Variants in BFSP1 observed in about 807,000 individuals in gnomAD.
BFSP1 encodes the protein filensin.
A neutral mutation model predicts 43.9 loss-of-function variants in BFSP1; 38 were observed. That is an observed-to-expected ratio of 0.87 (90% CI 0.67 to 1.14). The LOEUF is 1.14. Among genes scored for constraint, BFSP1 ranks in the 50% most tolerant of loss-of-function variants. BFSP1 has a pLI of 0.00. For synonymous variants in BFSP1, 352 were observed against 354.8 expected (o/e 0.99, Z 0.09); for missense variants, 850 against 875.1 (o/e 0.97, Z 0.36).
At chr20:17,540,706 C>T (rs1395889081) in intron 1 of BFSP1, among the ~76,000 whole-genome samples, 1 of 152,150 alleles carries the variant, frequency 6.6e-6, no homozygotes, top group Non-Finnish European at 1.5e-5. Context: ...GACTGCATCA[C>T]CTCCGGGTGC....
chr20:17,550,025 T>C (rs1013681717), intron 1 of BFSP1, among the ~76,000 whole-genome samples: 1 of 152,084 alleles, frequency 6.6e-6, no homozygotes. Flanking sequence ...CTATTTACCC[T>C]CAGAATAGTT....
chr20:17,531,402 C>G (rs968657523), upstream of BFSP1: 3 of 1,273,850 alleles, frequency 2.4e-6, no homozygotes, highest in Non-Finnish European at 3.0e-6. Flanking sequence ...GCCCGCAGCC[C>G]GCTAAATAAA....
Position 17,494,767 on chromosome 20 carries a change from C to T in BFSP1, c.1305G>A (p.Gly435=), listed in dbSNP as rs1354691220. Residue 435 remains glycine (G), a synonymous_variant, in exon 8 of 8, where the codon GGG becomes GGA. Coordinates refer to ENST00000377873, the MANE Select transcript of BFSP1 (RefSeq NM_001195.5). ...GTTTCCCAAAGCCTTTGCTTATCTG[C>T]CCTCCATCTGGCACATCCTCTGGAG... The part of the protein sequence containing the change: ...EGAPEDVPDG[G]QISKGFGKLY... 1.2e-6 allele frequency: 2 copies of T among 1,614,034 alleles called. No homozygotes were observed. The highest frequency in any genetic ancestry group is 2.7e-5 in the African/African-American group (2 of 74,912).
chr20:17,501,091 G>A (rs537944257), intron 5 of BFSP1, among the ~76,000 whole-genome samples: 3 of 152,312 alleles, frequency 2.0e-5, no homozygotes, highest in African/African-American at 7.2e-5. Context: ...CAAGGGGCAA[G>A]ACACACATCT....
chr20:17,495,447 T>C (rs1270077369), intron 7 of BFSP1, among the ~76,000 whole-genome samples: 1 of 152,140 alleles, frequency 6.6e-6, no homozygotes, highest in Non-Finnish European at 1.5e-5. Context: ...TCAAAGTTAT[T>C]CTCTCCTCTG....
chr20:17,494,809 G>A lies in BFSP1; in HGVS notation c.1263C>T (p.Pro421=), dbSNP rs188976502. The change falls in exon 8 of 8, where the codon CCC becomes CCT. Residue 421 remains proline (P), a synonymous_variant. Coordinates refer to ENST00000377873, the MANE Select transcript of BFSP1 (RefSeq NM_001195.5). ...CCTCTGGAGCCCCTTCTTGTGTCAG[G>A]GGACTTACTTCTTTACTTTCTGATT... is the stretch of plus-strand genomic sequence containing the variant. ...KFESESKEVS[P]LTQEGAPEDV... is the part of the protein sequence containing the mutation. 5.6e-6 allele frequency: 9 copies of A among 1,614,104 alleles called. No individual in the cohort carries two copies. The highest frequency in any genetic ancestry group is 5.5e-5 in the South Asian group (5 of 91,068).
chr20:17,535,828 T>C (rs972126509), upstream of BFSP1, among the ~76,000 whole-genome samples: 2 of 152,226 alleles, frequency 1.3e-5, no homozygotes, highest in African/African-American at 4.8e-5. Context: ...TATATATATG[T>C]ATAATGGCTA....
At position 17,548,307 on chromosome 20, in the gene BFSP1, C is replaced by A. The variant is rs536340139; in HGVS notation, c.2+10381G>T. Among the ~76,000 whole-genome samples, 189 of 151,834 alleles carry A rather than the reference C, an allele frequency of 1.2e-3. 1 individual carries two copies. The highest frequency in any genetic ancestry group is 5.4e-3 in the South Asian group (26 of 4,808). ...TATTAAAAACAAATTATGGTACGAT[C>A]AATTTATTTACAAAATAAGTTTTAG... On this transcript the variant is annotated intron_variant, in intron 1 of 7. Coordinates refer to the BFSP1 transcript ENST00000377868.
At chr20:17,517,111 A>C in intron 2 of BFSP1, 1 of 810,728 alleles carries the variant, frequency 1.2e-6, no homozygotes, top group Non-Finnish European at 2.2e-6. Flanking sequence ...CCCAAGAAGA[A>C]TAAGCACAAG....
intron 1 of BFSP1, among the ~76,000 whole-genome samples, chr20:17,539,688 C>G (rs987170751): frequency 3.9e-5 from 6 of 152,002 alleles, no homozygotes; most frequent in African/African-American, 1.5e-4. Context: ...ATAGACTGAG[C>G]CTGGCAGGTC....
intron 5 of BFSP1, among the ~76,000 whole-genome samples, chr20:17,503,654 A>T (rs536614914): frequency 9.2e-5 from 14 of 152,280 alleles, no homozygotes; most frequent in African/African-American, 2.9e-4. Flanking sequence ...AAGGTCTGAA[A>T]CACCTCCCAG....
At chr20:17,538,743 G>C (rs76524029) in intron 1 of BFSP1, among the ~76,000 whole-genome samples, 6,882 of 152,318 alleles carry the variant, frequency 0.045, 198 homozygotes, top group African/African-American at 0.067. Flanking sequence ...ATGCAGAAAT[G>C]AGTCATTGTC....
chr20:17,532,367 T>C (rs953222348), upstream of BFSP1, among the ~76,000 whole-genome samples: 1 of 139,448 alleles, frequency 7.2e-6, no homozygotes, highest in Non-Finnish European at 1.5e-5. Context: ...ATCGCCCCAC[T>C]GCACTCCAGC....
At position 17,499,099 on chromosome 20, in the gene BFSP1, C is replaced by G. The variant is rs1006817843; in HGVS notation, c.736-59G>C. On this transcript the variant is annotated intron_variant, in intron 5 of 7. Coordinates refer to ENST00000377873, the MANE Select transcript of BFSP1 (RefSeq NM_001195.5). ...CCCCCTTCTTCTCTAAGAGACAGAC[C>G]TCACCAGGAAAAGGAACCTGGACTC... 12 of 1,509,588 alleles carry G rather than the reference C, an allele frequency of 7.9e-6. No individual in the cohort carries two copies. The African/African-American group carries it at 1.5e-4, about 19-fold the overall frequency. The allele number at this position is 1,509,588 out of a possible 1,614,324, so 93.5% of individuals were successfully genotyped here.
intron 1 of BFSP1, among the ~76,000 whole-genome samples, chr20:17,547,273 A>G (rs2034819146): frequency 6.6e-6 from 1 of 152,148 alleles, no homozygotes; most frequent in Non-Finnish European, 1.5e-5. Flanking sequence ...CAATTCCCCC[A>G]GAGAGATTTC....
chr20:17,529,666 T>C (rs2034492059), intron 1 of BFSP1, among the ~76,000 whole-genome samples: 1 of 152,258 alleles, frequency 6.6e-6, no homozygotes, highest in Admixed American at 6.5e-5. Context: ...AGGAAGCACC[T>C]GTCTCCTTTT....
chr20:17,565,375 T>G (rs887719884), intron 1 of BFSP1: 1 of 152,182 alleles, frequency 6.6e-6, no homozygotes, highest in Non-Finnish European at 1.5e-5. Flanking sequence ...TACCAGCTCA[T>G]GTATGCAAAG....
Position 17,494,214 on chromosome 20 carries a change from T to C in BFSP1, c.1858A>G (p.Lys620Glu). The C allele has an allele frequency of 6.2e-7, 1 of 1,614,200 alleles. No individual in the cohort carries two copies. Among genetic ancestry groups the C allele is most frequent in the Non-Finnish European group, 8.5e-7 (1 of 1,180,040 alleles). Reference protein sequence around the residue: ...EKGPPKALAYKTVEVVESIEK... With the variant: ...EKGPPKALAYETVEVVESIEK... Reference sequence around the variant, plus strand: ...ATAGATTCCACCACTTCCACTGTCTTATAGGCCAAAGCCTTGGGAGGGCCT... The same window carrying C: ...ATAGATTCCACCACTTCCACTGTCTCATAGGCCAAAGCCTTGGGAGGGCCT... Residue 620 changes from lysine to glutamate, a missense_variant, in exon 8 of 8, where the codon AAG (lysine) becomes GAG (glutamate). Physicochemically the swap from Lys to Glu is moderately conservative, Grantham distance 56 (BLOSUM62 1). Transcript: ENST00000377873.
upstream of BFSP1, among the ~76,000 whole-genome samples, chr20:17,534,599 G>A (rs2034597834): frequency 6.6e-6 from 1 of 152,146 alleles, no homozygotes; most frequent in Non-Finnish European, 1.5e-5. Flanking sequence ...AAATCCCAAA[G>A]AAGGAACATC....
Sources: allele counts gnomAD v4.1 joint callset (sites outside exome capture counted in the v4.1 genomes callset), GRCh38; gene constraint gnomAD v4.1.1; transcripts MANE v1.5; gene names NCBI Gene and HGNC (gene_info 2026-07-23, HGNC 2026-07-21).